Variants in MECOM observed in about 807,000 individuals in gnomAD.
MECOM encodes the protein MDS1 and EVI1 complex locus, also known as histone-lysine N-methyltransferase MECOM.
A neutral mutation model predicts 116.3 loss-of-function variants in MECOM; 13 were observed. The ratio of observed to expected loss-of-function variants is 0.11; its 90% CI spans 0.07 to 0.18. The LOEUF is 0.18. Among genes scored for constraint, MECOM ranks in the 10% least tolerant of loss-of-function variants. The pLI is 1.00. For missense variants in MECOM, 1,299 were observed against 1,509.0 expected, an observed-to-expected ratio of 0.86 and a Z score of 2.31; for synonymous variants, 528 against 535.2, an observed-to-expected ratio of 0.99 and a Z score of 0.19.
At chr3:169,117,903 CG>C (rs1729693103) in intron 7 of MECOM, among the ~76,000 whole-genome samples, 1 of 137,364 alleles carries the variant, frequency 7.3e-6, no homozygotes, top group Non-Finnish European at 1.6e-5. Flanking sequence ...GATTGAGCCA[CG>C]TTATGTGTGA....
At chr3:169,475,423 T>C (rs2108815756) in intron 1 of MECOM, among the ~76,000 whole-genome samples, 1 of 152,292 alleles carries the variant, frequency 6.6e-6, no homozygotes, top group South Asian at 2.1e-4. Flanking sequence ...TTTCATGACC[T>C]TCCTCTTATG....
chr3:169,100,755 A>G, intron 12 of MECOM, 130 bp downstream of exon 12: 1 of 355,252 alleles, frequency 2.8e-6, no homozygotes, highest in Non-Finnish European at 4.3e-6. Flanking sequence ...AAAATTGAAT[A>G]GACATATATT....
intron 4 of MECOM, among the ~76,000 whole-genome samples, chr3:169,128,402 C>A (rs1399713919): frequency 2.6e-5 from 4 of 152,124 alleles, no homozygotes; most frequent in Non-Finnish European, 5.9e-5. Context: ...TTCCTTAAAA[C>A]CTGATTATGA....
chr3:169,164,645 T>C (rs1743297368), intron 2 of MECOM, among the ~76,000 whole-genome samples: 1 of 152,070 alleles, frequency 6.6e-6, no homozygotes, highest in Non-Finnish European at 1.5e-5. Context: ...AAGGTAAAAA[T>C]AAAAGAAGGC....
At chr3:169,599,750 G>C (rs1767601658) in intron 1 of MECOM, among the ~76,000 whole-genome samples, 2 of 152,050 alleles carry the variant, frequency 1.3e-5, no homozygotes, top group Admixed American at 6.6e-5. Flanking sequence ...GAATAAAAGG[G>C]AAAGAATCAA....
In MECOM at chr3:169,472,587, G is replaced by A. The variant is rs1442017231; in HGVS notation, c.38-91063C>T. Among the ~76,000 whole-genome samples, 183 of 56,778 alleles carry A rather than the reference G, an allele frequency of 3.2e-3. 1 individual carries two copies. Among genetic ancestry groups the A allele is most frequent in the Non-Finnish European group, 4.0e-3 (134 of 33,722 alleles). The allele number at this position is 56,778 out of a possible 152,430, so 37.2% of individuals were successfully genotyped here. A position where few individuals can be genotyped will look rare whatever the true frequency, so the allele number is the denominator to read the frequency against. On this transcript the variant is annotated intron_variant, in intron 1 of 16. Coordinates refer to ENST00000651503, the MANE Select transcript of MECOM (RefSeq NM_004991.4). The stretch of plus-strand genomic sequence containing the variant: ...GGAGAGGAGAGGAGAGGAGAGGAAA[G>A]GAAAGGAAAGGAAAGGAAAGGAAAG...
chr3:169,418,111 A>T (rs76523312), intron 1 of MECOM, among the ~76,000 whole-genome samples: 1 of 150,688 alleles, frequency 6.6e-6, no homozygotes, highest in Non-Finnish European at 1.5e-5. Flanking sequence ...GTATAATAAT[A>T]AAAAAAAACT....
At chr3:169,271,957 C>G (rs1331855418) in intron 2 of MECOM, among the ~76,000 whole-genome samples, 1 of 152,154 alleles carries the variant, frequency 6.6e-6, no homozygotes, top group Admixed American at 6.5e-5. Flanking sequence ...CCAATGAAAA[C>G]TACCCTATAG....
chr3:169,183,572 AC>A (rs1231370358), intron 2 of MECOM, among the ~76,000 whole-genome samples: 1 of 152,144 alleles, frequency 6.6e-6, no homozygotes, highest in African/African-American at 2.4e-5. Context: ...TGTAGCAGCA[AC>A]AGCAGGAGGA....
intron 2 of MECOM, among the ~76,000 whole-genome samples, chr3:169,193,547 G>C (rs975545750): frequency 3.3e-5 from 5 of 151,726 alleles, no homozygotes; most frequent in Non-Finnish European, 5.9e-5. Flanking sequence ...AGACGTTTTA[G>C]AACTGCACAG....
intron 12 of MECOM, among the ~76,000 whole-genome samples, chr3:169,100,242 G>T (rs1723137367): frequency 6.6e-6 from 1 of 151,554 alleles, no homozygotes; most frequent in Admixed American, 6.6e-5. Context: ...GGGACTACAG[G>T]TGTGAGCCAC....
chr3:169,662,816 A>T (rs1167886743), intron 1 of MECOM, among the ~76,000 whole-genome samples: 3 of 151,294 alleles, frequency 2.0e-5, no homozygotes, highest in Non-Finnish European at 4.4e-5. Flanking sequence ...TGAGCCGCCT[A>T]CCCTACCCAA....
rs74562497 is a variant in MECOM at position 169,561,564 on chromosome 3, A to T, written c.37+101772T>A. ...GCTATTTTATAACTACATATGTTAT[A>T]GCAGTAGTGTAAAAATATGCATGGG... On this transcript the variant is annotated intron_variant, in intron 1 of 16. Coordinates refer to ENST00000651503, the MANE Select transcript of MECOM (RefSeq NM_004991.4). 1.8e-3 allele frequency among the ~76,000 whole-genome samples: 271 copies of T among 152,350 alleles called. 6 individuals carry two copies. The East Asian group carries it at 0.045, about 25-fold the overall frequency.
intron 2 of MECOM, among the ~76,000 whole-genome samples, chr3:169,233,319 G>A (rs1484116454): frequency 1.3e-5 from 2 of 152,014 alleles, no homozygotes; most frequent in Non-Finnish European, 2.9e-5. Flanking sequence ...TGGGTCATGC[G>A]GTATCAGAAA....
chr3:169,417,839 C>T (rs567933486), intron 1 of MECOM, among the ~76,000 whole-genome samples: 3 of 152,020 alleles, frequency 2.0e-5, no homozygotes, highest in Non-Finnish European at 4.4e-5. Context: ...TCATCATTCT[C>T]AGCAAACTAT....
At chr3:169,298,436 T>C (rs975969234) in intron 2 of MECOM, among the ~76,000 whole-genome samples, 1 of 151,844 alleles carries the variant, frequency 6.6e-6, no homozygotes, top group Non-Finnish European at 1.5e-5. Flanking sequence ...TAACATTTCA[T>C]ATATAATATA....
At chr3:169,448,458 A>G (rs1745021530) in intron 1 of MECOM, among the ~76,000 whole-genome samples, 1 of 152,196 alleles carries the variant, frequency 6.6e-6, no homozygotes, top group South Asian at 2.1e-4. Context: ...TAACTAATAA[A>G]CAAATTTATC....
chr3:169,314,218 C>T (rs16853486), intron 2 of MECOM, among the ~76,000 whole-genome samples: 12,751 of 152,292 alleles, frequency 0.084, 722 homozygotes, highest in East Asian at 0.33. Flanking sequence ...CCACTTCCTA[C>T]GATGGATCAA....
chr3:169,629,318 A>C (rs1360788997), intron 1 of MECOM, among the ~76,000 whole-genome samples: 1 of 152,044 alleles, frequency 6.6e-6, no homozygotes, highest in Non-Finnish European at 1.5e-5. Context: ...TTGTAATAGA[A>C]CACAAGTGTG....
Sources: allele counts gnomAD v4.1 joint callset (sites outside exome capture counted in the v4.1 genomes callset), GRCh38; gene constraint gnomAD v4.1.1; transcripts MANE v1.5; gene names NCBI Gene and HGNC (gene_info 2026-07-23, HGNC 2026-07-21).